Variants in SYT9 observed in about 807,000 individuals in gnomAD.
SYT9 encodes the protein synaptotagmin 9.
A neutral mutation model predicts 48.4 loss-of-function variants in SYT9; 22 were observed. The ratio of observed to expected loss-of-function variants is 0.45; its 90% confidence interval spans 0.32 to 0.65. SYT9 has a LOEUF of 0.65. Among genes scored for constraint, SYT9 ranks in the 30% least tolerant of loss-of-function variants. The pLI is 0.03. For missense variants in SYT9, 577 were observed against 622.0 expected, an observed-to-expected ratio of 0.93 and a Z score of 0.77; for synonymous variants, 265 against 245.0, an observed-to-expected ratio of 1.08 and a Z score of -0.76.
Position 7,338,441 on chromosome 11 carries a change from GGTT to G in SYT9, c.1044+24504_1044+24506del. Among the ~76,000 whole-genome samples, 4 of 152,098 alleles carry G rather than the reference GGTT, an allele frequency of 2.6e-5. No individual in the cohort carries two copies. In the South Asian group the frequency reaches 8.3e-4, roughly 32 times the overall value. On this transcript the variant is annotated intron_variant, in intron 3 of 6. Coordinates refer to ENST00000318881, the MANE Select transcript of SYT9 (RefSeq NM_175733.4). ...TATAGTTCTTTTAGTTGTGATGTTG[GGTT>G]GTTAATTTGATACCTTTCTAGCTTT...
chr11:7,398,874 G>A (rs1846817896), intron 3 of SYT9, among the ~76,000 whole-genome samples: 2 of 152,092 alleles, frequency 1.3e-5, no homozygotes, highest in African/African-American at 4.8e-5. Flanking sequence ...GCCCTGTTTA[G>A]CTGTGATGTG....
chr11:7,389,033 GT>G (rs1850713233), intron 3 of SYT9, among the ~76,000 whole-genome samples: 1 of 152,190 alleles, frequency 6.6e-6, no homozygotes, highest in Non-Finnish European at 1.5e-5. Flanking sequence ...TTAATAAAGG[GT>G]TAAGTCACTA....
chr11:7,452,083 C>T (rs1848062829), intron 6 of SYT9, among the ~76,000 whole-genome samples: 1 of 147,684 alleles, frequency 6.8e-6, no homozygotes, highest in African/African-American at 2.5e-5. Context: ...CTAAGTAAGA[C>T]AGAACTGACA....
Position 7,303,507 on chromosome 11 carries a change from C to T in SYT9, c.497+117C>T, listed in dbSNP as rs564425339. ...AACCTTTTAGATTTCTGTTCTGTAT[C>T]AGAGACATGAATATGGGAAAACTCC... On this transcript the variant is annotated intron_variant, in intron 2 of 6. Transcript: ENST00000318881. The T allele has an allele frequency of 9.1e-4, 837 of 922,406 alleles. 2 individuals are homozygous for T. Among genetic ancestry groups the T allele is most frequent in the Admixed American group, 3.4e-3 (118 of 34,528 alleles). 57.1% of individuals were successfully genotyped at this position (922,406 alleles called of 1,614,324 possible). A position where few individuals can be genotyped will look rare whatever the true frequency, so the allele number is the denominator to read the frequency against.
At position 7,294,825 on chromosome 11, in the gene SYT9, A is replaced by T. The variant is rs561521205; in HGVS notation, c.146-8214A>T. 2.6e-4 allele frequency among the ~76,000 whole-genome samples: 40 copies of T among 152,326 alleles called. 2 individuals carry two copies. In the South Asian group the frequency reaches 8.1e-3, roughly 31 times the overall value. On this transcript the variant is annotated intron_variant, in intron 1 of 6. Transcript: ENST00000318881. Reference sequence around the variant, plus strand: ...GCCTATTGAAAGGAAGACAATTGCCATCCCTTTTGAAACCAAGGAGGCAGC... The same window carrying T: ...GCCTATTGAAAGGAAGACAATTGCCTTCCCTTTTGAAACCAAGGAGGCAGC...
intron 3 of SYT9, among the ~76,000 whole-genome samples, chr11:7,346,494 A>G (rs115333726): frequency 0.025 from 3,877 of 152,244 alleles, 125 homozygotes; most frequent in African/African-American, 0.069. Context: ...TATGAATCCA[A>G]AGGTAAGAAG....
intron 1 of SYT9, among the ~76,000 whole-genome samples, chr11:7,246,883 T>C (rs923145630): frequency 6.6e-6 from 1 of 152,244 alleles, no homozygotes; most frequent in Admixed American, 6.5e-5. Flanking sequence ...GCATCTATTT[T>C]AGTCTTCCAG....
intron 3 of SYT9, among the ~76,000 whole-genome samples, chr11:7,367,086 TTTTTTTTTTTTTC>T (rs902527850): frequency 1.0e-5 from 1 of 96,920 alleles, no homozygotes; most frequent in Non-Finnish European, 2.2e-5. Flanking sequence ...TTTTTTTTTT[TTTTTTTTTTTTTC>T]GAGACGGAGC....
chr11:7,448,741 C>A lies in SYT9; in HGVS notation c.1468-18051C>A, dbSNP rs550262655. Among the ~76,000 whole-genome samples, 400 of 152,316 alleles carry A rather than the reference C, an allele frequency of 2.6e-3. 2 individuals carry two copies. The highest frequency in any genetic ancestry group is 4.1e-3 in the Admixed American group (63 of 15,308). On this transcript the variant is annotated intron_variant, in intron 6 of 6. Coordinates refer to ENST00000318881, the MANE Select transcript of SYT9 (RefSeq NM_175733.4). The stretch of plus-strand genomic sequence containing the variant: ...AAATAACTCACTTTTCATAGGCCTT[C>A]AAACGTCATTCTTTAGCAGGGCCCA...
chr11:7,424,760 C>A (rs1254046441), intron 6 of SYT9, among the ~76,000 whole-genome samples: 1 of 152,190 alleles, frequency 6.6e-6, no homozygotes, highest in Non-Finnish European at 1.5e-5. Context: ...TCAAGGCGTG[C>A]CCCATTTTGG....
At chr11:7,331,966 T>G (rs545675872) in intron 3 of SYT9, among the ~76,000 whole-genome samples, 1 of 152,266 alleles carries the variant, frequency 6.6e-6, no homozygotes, top group South Asian at 2.1e-4. Flanking sequence ...ATAGTAAAAT[T>G]ATTTTTGAGT....
At chr11:7,392,399 G>A (rs545378672) in intron 3 of SYT9, among the ~76,000 whole-genome samples, 1 of 152,018 alleles carries the variant, frequency 6.6e-6, no homozygotes. Context: ...CAGTATTGTA[G>A]ATCAGTTGGT....
At chr11:7,254,667 C>G (rs143022105) in intron 1 of SYT9, among the ~76,000 whole-genome samples, 1 of 152,276 alleles carries the variant, frequency 6.6e-6, no homozygotes, top group Non-Finnish European at 1.5e-5. Context: ...TGGATGACTT[C>G]TTTTTCTGGA....
chr11:7,361,575 G>A (rs1052861152), intron 3 of SYT9, among the ~76,000 whole-genome samples: 2 of 151,982 alleles, frequency 1.3e-5, no homozygotes, highest in East Asian at 1.9e-4. Flanking sequence ...TCAAATAATC[G>A]ATATTATTAT....
chr11:7,437,398 A>G (rs1328376637), intron 6 of SYT9, among the ~76,000 whole-genome samples: 1 of 152,246 alleles, frequency 6.6e-6, no homozygotes, highest in Non-Finnish European at 1.5e-5. Context: ...ATTAATAAAC[A>G]TAACGTGATG....
chr11:7,238,986 T>A, intron 1 of SYT9: 1 of 454,966 alleles, frequency 2.2e-6, no homozygotes, highest in Non-Finnish European at 4.4e-6. Flanking sequence ...CACCCAGAAG[T>A]GGTGGGAGTG....
rs7938738 is a variant in SYT9, at chr11:7,442,157, C to T, written c.1467+21522C>T. Among the ~76,000 whole-genome samples the T allele has an allele frequency of 7.9e-3, 1,202 of 152,170 alleles. 11 individuals carry two copies. Among genetic ancestry groups the T allele is most frequent in the African/African-American group, 0.027 (1,126 of 41,500 alleles). On this transcript the variant is annotated intron_variant, in intron 6 of 6. Transcript: ENST00000318881. ...GAGATGATCCCAGGAACCCCACCGC[C>T]TCCTGCCATGTCTCTGCACATGCCA... is the stretch of plus-strand genomic sequence containing the variant.
rs1207342243 is a variant in SYT9 at position 7,313,840 on chromosome 11, C to G, written c.943C>G (p.Arg315Gly). The G allele has an allele frequency of 1.9e-6, 3 of 1,614,080 alleles. No individual in the cohort carries two copies. The highest frequency in any genetic ancestry group is 1.6e-4 in the Middle Eastern group (1 of 6,084). The change falls in exon 3 of 7, where the codon CGT (arginine) becomes GGT (glycine). Residue 315 changes from arginine (R) to glycine (G), a missense_variant. Transcript: ENST00000318881. The part of the protein sequence containing the change: ...FSVYDFDRFS[R>G]HDLIGQVVVD... The stretch of plus-strand genomic sequence containing the variant: ...TGTGTACGACTTTGACAGGTTCTCT[C>G]GTCATGACTTAATCGGCCAAGTGGT...
chr11:7,310,036 G>T (rs1004070102), intron 2 of SYT9, among the ~76,000 whole-genome samples: 2 of 152,220 alleles, frequency 1.3e-5, no homozygotes, highest in Non-Finnish European at 2.9e-5. Context: ...ATTCTGAATG[G>T]AGGGGAAAGT....
Sources: allele counts gnomAD v4.1 joint callset (sites outside exome capture counted in the v4.1 genomes callset), GRCh38; gene constraint gnomAD v4.1.1; transcripts MANE v1.5; gene names NCBI Gene and HGNC (gene_info 2026-07-23, HGNC 2026-07-21).